Variants in ZNF610 observed in about 807,000 individuals in gnomAD.
ZNF610 encodes zinc finger protein 610.
A neutral mutation model predicts 14.1 loss-of-function variants in ZNF610; 14 were observed. The observed-to-expected ratio is 0.99, with a 90% confidence interval of 0.65 to 1.55. The LOEUF (loss-of-function observed/expected upper bound fraction) is 1.55. ZNF610 is among the 40% of genes most tolerant of loss of function. ZNF610 has a pLI of 0.00. For synonymous variants in ZNF610, 185 were observed against 187.6 expected (o/e 0.99, Z 0.11); for missense variants, 530 against 558.0 (o/e 0.95, Z 0.51).
In ZNF610 at chr19:52,365,852, T is replaced by C. The variant is rs1443780331; in HGVS notation, c.474T>C (p.Arg158=). 6.2e-7 allele frequency: 1 copy of C among 1,614,002 alleles called. No homozygotes were observed. The highest frequency in any genetic ancestry group is 1.3e-5 in the African/African-American group (1 of 74,938). The change falls in exon 6 of 6, where the codon CGT becomes CGC. Residue 158 remains arginine (R), a synonymous_variant. Coordinates refer to ENST00000403906, the MANE Select transcript of ZNF610 (RefSeq NM_001161425.2). ...SNQVEKFTNH[R]SSVSPLQKIS... is the part of the protein sequence containing the mutation. Reference sequence around the variant, plus strand: ...AAGTTGAAAAGTTTACAAACCATCGTTCCTCAGTTTCACCACTTCAAAAAA... The same window carrying C: ...AAGTTGAAAAGTTTACAAACCATCGCTCCTCAGTTTCACCACTTCAAAAAA...
intron 3 of ZNF610, among the ~76,000 whole-genome samples, chr19:52,349,628 A>C (rs535254451): frequency 5.3e-5 from 8 of 149,752 alleles, no homozygotes; most frequent in Middle Eastern, 3.5e-3. Context: ...GCTGGAGTGC[A>C]GTGGCACGAT....
Position 52,353,949 on chromosome 19 carries a change from T to C in ZNF610, c.190+141T>C, listed in dbSNP as rs76603993. ...TCAGAAATGAAAAGCTCTATTATGC[T>C]CTCTGGATTTGAAATGCGTCCTTTC... is the stretch of plus-strand genomic sequence containing the variant. On this transcript the variant is annotated intron_variant, in intron 4 of 5. Transcript: ENST00000403906. The C allele has an allele frequency of 1.0e-4, 121 of 1,172,212 alleles. No homozygotes were observed. In the East Asian group the frequency reaches 2.9e-3, roughly 28 times the overall value. The allele number at this position is 1,172,212 out of a possible 1,614,324, so 72.6% of individuals were successfully genotyped here. A position where few individuals can be genotyped will look rare whatever the true frequency, so the allele number is the denominator to read the frequency against.
intron 1 of ZNF610, among the ~76,000 whole-genome samples, chr19:52,344,495 C>T (rs1984843717): frequency 6.6e-6 from 1 of 152,312 alleles, no homozygotes; most frequent in South Asian, 2.1e-4. Flanking sequence ...GGCTCAACCC[C>T]TCTGAGTGGA....
At chr19:52,360,111 A>C (rs1985708525) in intron 5 of ZNF610, among the ~76,000 whole-genome samples, 1 of 152,150 alleles carries the variant, frequency 6.6e-6, no homozygotes, top group African/African-American at 2.4e-5. Context: ...TTAGATTTTT[A>C]TAGAAACCTT....
intron 1 of ZNF610, among the ~76,000 whole-genome samples, chr19:52,343,167 A>C (rs1218663158): frequency 2.0e-5 from 3 of 152,202 alleles, no homozygotes; most frequent in Non-Finnish European, 4.4e-5. Flanking sequence ...GACACCCTGT[A>C]CTTTCTGGGA....
At chr19:52,348,404 C>CT (rs371511072) in intron 2 of ZNF610, among the ~76,000 whole-genome samples, 4 of 151,654 alleles carry the variant, frequency 2.6e-5, no homozygotes, top group Middle Eastern at 3.4e-3. Context: ...GGTTTCTTTC[C>CT]TTTTTTTTGT....
intron 4 of ZNF610, among the ~76,000 whole-genome samples, 174 bp downstream of exon 4, chr19:52,353,982 G>A (rs1430497322): frequency 6.6e-6 from 1 of 152,196 alleles, no homozygotes; most frequent in East Asian, 1.9e-4. Flanking sequence ...TTCTTCAGAT[G>A]TACCGCCCCC....
intron 1 of ZNF610, among the ~76,000 whole-genome samples, chr19:52,339,305 A>G (rs1319043465): frequency 7.9e-5 from 12 of 151,960 alleles, no homozygotes; most frequent in African/African-American, 2.9e-4. Flanking sequence ...TCCTCAGCAC[A>G]GACCCTTTAT....
rs142636820 is a variant in ZNF610, at chr19:52,337,430, C to A, written c.-258+924C>A. Among the ~76,000 whole-genome samples, 572 of 151,130 alleles carry A rather than the reference C, an allele frequency of 3.8e-3. 4 individuals carry two copies. Among genetic ancestry groups the A allele is most frequent in the Admixed American group, 6.7e-3 (102 of 15,154 alleles). On this transcript the variant is annotated intron_variant, in intron 1 of 5. Transcript: ENST00000403906. ...AGGCAGAATGGAAATTGGGGACAAT[C>A]AAAAATTGGACACAAAGAGGAACAA...
chr19:52,357,125 A>G (rs926875383), intron 5 of ZNF610, among the ~76,000 whole-genome samples: 9 of 152,170 alleles, frequency 5.9e-5, no homozygotes, highest in African/African-American at 1.9e-4. Flanking sequence ...TGGGGTTCCC[A>G]TGGCTCCCTC....
At chr19:52,364,196 T>TAA (rs1985915401) in intron 5 of ZNF610, among the ~76,000 whole-genome samples, 1 of 152,238 alleles carries the variant, frequency 6.6e-6, no homozygotes, top group Non-Finnish European at 1.5e-5. Context: ...TAACACATTT[T>TAA]AGTGCTTTTT....
chr19:52,366,361 A>C lies in ZNF610; in HGVS notation c.983A>C (p.Lys328Thr), dbSNP rs144893251. 1.9e-6 allele frequency: 3 copies of C among 1,613,846 alleles called. No individual in the cohort carries two copies. The highest frequency in any genetic ancestry group is 2.2e-5 in the South Asian group (2 of 91,026). ...GAGTGTGGCAAGAACTTCAGGCACA[A>C]ATTTTCTCTAACCAATCATCAGAGA... Reference protein sequence around the residue: ...CNECGKNFRHKFSLTNHQRSH... With the variant: ...CNECGKNFRHTFSLTNHQRSH... The change falls in exon 6 of 6, where the codon AAA becomes ACA. Residue 328 changes from lysine to threonine, a missense_variant. Lys to Thr is a moderately conservative substitution (Grantham distance 78). Coordinates refer to ENST00000403906, the MANE Select transcript of ZNF610 (RefSeq NM_001161425.2).
chr19:52,335,011 T>C (rs1984309416), upstream of ZNF610, among the ~76,000 whole-genome samples: 3 of 148,988 alleles, frequency 2.0e-5, no homozygotes, highest in South Asian at 6.3e-4. Context: ...AAAGCAACAG[T>C]TGGGCCGGGT....
intron 5 of ZNF610, among the ~76,000 whole-genome samples, chr19:52,365,127 A>G (rs1256720704): frequency 6.6e-6 from 1 of 151,956 alleles, no homozygotes. Context: ...GTGCGCCTGT[A>G]GTTCCAGCTA....
intron 5 of ZNF610, among the ~76,000 whole-genome samples, chr19:52,363,749 G>A (rs1464226062): frequency 2.0e-5 from 3 of 152,086 alleles, no homozygotes; most frequent in African/African-American, 7.2e-5. Flanking sequence ...GCCAATTTAT[G>A]TCTTTAGAGT....
chr19:52,338,748 T>G (rs538456812), intron 1 of ZNF610, among the ~76,000 whole-genome samples: 1 of 152,214 alleles, frequency 6.6e-6, no homozygotes, highest in South Asian at 2.1e-4. Context: ...TTGCCCTGGC[T>G]GGTGTGCACT....
At chr19:52,348,133 A>G (rs1985054113) in intron 2 of ZNF610, 189 bp downstream of exon 2, 1 of 152,220 alleles carries the variant, frequency 6.6e-6, no homozygotes. Flanking sequence ...CTAGGTGTGT[A>G]GTAGACTATA....
At chr19:52,363,175 G>T (rs372858038) in intron 5 of ZNF610, among the ~76,000 whole-genome samples, 28 of 150,914 alleles carry the variant, frequency 1.9e-4, no homozygotes, top group African/African-American at 6.4e-4. Flanking sequence ...GCCTACCCAG[G>T]CTGGAGGGCA....
chr19:52,337,214 G>A (rs1984428128), intron 1 of ZNF610, among the ~76,000 whole-genome samples: 1 of 151,966 alleles, frequency 6.6e-6, no homozygotes, highest in Admixed American at 6.6e-5. Flanking sequence ...TGGAGCCAGG[G>A]CAGACAGAGC....
Sources: gnomAD v4.1 joint callset for allele counts (sites outside exome capture counted in the v4.1 genomes callset) on GRCh38, gnomAD v4.1.1 for gene constraint, MANE v1.5 for transcripts, NCBI Gene and HGNC (gene_info 2026-07-23, HGNC 2026-07-21) for gene names.